NTNG1: variants seen among roughly 807,000 people sequenced by gnomAD.
The protein encoded by NTNG1 is netrin G1.
A neutral mutation model predicts 54.0 loss-of-function variants in NTNG1; 16 were observed. The observed-to-expected ratio is 0.30, with a 90% CI of 0.20 to 0.45. The LOEUF (loss-of-function observed/expected upper bound fraction) is 0.45. NTNG1 is among the 20% of genes least tolerant of loss of function. The pLI, the probability that NTNG1 is intolerant of heterozygous loss-of-function variation, is 1.00. For missense variants in NTNG1, 530 were observed against 678.7 expected (o/e 0.78, Z 2.43); for synonymous variants, 255 against 263.1 (o/e 0.97, Z 0.30).
At chr1:107,463,020 A>G (rs1677374462) in intron 7 of NTNG1, among the ~76,000 whole-genome samples, 1 of 152,132 alleles carries the variant, frequency 6.6e-6, no homozygotes, top group African/African-American at 2.4e-5. Flanking sequence ...ATACCAGCCT[A>G]CCTCCAATGG....
chr1:107,480,579 CACCCA>C, intron 7 of NTNG1, 27 bp from the exon 8 acceptor site: 4 of 615,706 alleles, frequency 6.5e-6, no homozygotes, highest in Non-Finnish European at 9.0e-6. Context: ...TCCCCGCGCC[CACCCA>C]CCCCTACCTT....
At chr1:107,367,375 G>A (rs993081786) in intron 3 of NTNG1, among the ~76,000 whole-genome samples, 1 of 152,138 alleles carries the variant, frequency 6.6e-6, no homozygotes, top group Admixed American at 6.5e-5. Context: ...CTGAATGTCT[G>A]ACACCAGCAT....
intron 2 of NTNG1, among the ~76,000 whole-genome samples, chr1:107,291,141 C>G (rs1665577799): frequency 6.6e-6 from 1 of 151,552 alleles, no homozygotes; most frequent in Non-Finnish European, 1.5e-5. Context: ...CTTTGCCTCC[C>G]CCTCCTCAGC....
intron 7 of NTNG1, among the ~76,000 whole-genome samples, chr1:107,466,704 C>T (rs2101566254): frequency 6.6e-6 from 1 of 152,210 alleles, no homozygotes; most frequent in African/African-American, 2.4e-5. Flanking sequence ...TTTTAAATAC[C>T]ATGCATAGCC....
At chr1:107,416,768 T>C (rs1319729186) in intron 5 of NTNG1, among the ~76,000 whole-genome samples, 1 of 152,094 alleles carries the variant, frequency 6.6e-6, no homozygotes, top group Non-Finnish European at 1.5e-5. Context: ...AGTACTTGCA[T>C]TTCATCAAGA....
At chr1:107,240,217 C>T (rs140385789) in intron 2 of NTNG1, among the ~76,000 whole-genome samples, 4 of 151,304 alleles carry the variant, frequency 2.6e-5, no homozygotes, top group Admixed American at 6.6e-5. Context: ...AGCATAATGC[C>T]GTACTTTGCC....
Position 107,221,699 on chromosome 1 carries a change from T to A in NTNG1, c.246+72860T>A, listed in dbSNP as rs765621500. Reference sequence around the variant, plus strand: ...AACACTCAGCACAGTACTTGGGCCGTGGCTGGCACCTGGTATGTGCTTGAA... The same window carrying A: ...AACACTCAGCACAGTACTTGGGCCGAGGCTGGCACCTGGTATGTGCTTGAA... On this transcript the variant is annotated intron_variant, in intron 2 of 7. Transcript: ENST00000370068. 6.6e-5 allele frequency among the ~76,000 whole-genome samples: 10 copies of A among 152,304 alleles called. No homozygotes were observed. The South Asian group carries it at 1.7e-3, about 25-fold the overall frequency.
chr1:107,279,858 A>G (rs921062497), intron 2 of NTNG1, among the ~76,000 whole-genome samples: 2 of 152,056 alleles, frequency 1.3e-5, no homozygotes, highest in African/African-American at 4.8e-5. Context: ...GGGTGTGAAC[A>G]TAACACATTG....
intron 2 of NTNG1, among the ~76,000 whole-genome samples, chr1:107,271,424 C>A (rs1039711123): frequency 6.6e-6 from 1 of 152,122 alleles, no homozygotes; most frequent in African/African-American, 2.4e-5. Flanking sequence ...CCATGTTTTC[C>A]TTTACCATTT....
chr1:107,290,963 T>TTATATA (rs71976757), intron 2 of NTNG1, among the ~76,000 whole-genome samples: 5,151 of 142,374 alleles, frequency 0.036, 182 homozygotes, highest in African/African-American at 0.085. Flanking sequence ...TATATATATA[T>TTATATA]TATATATATA....
chr1:107,225,041 A>C (rs1165810578), intron 2 of NTNG1, among the ~76,000 whole-genome samples: 3 of 152,310 alleles, frequency 2.0e-5, no homozygotes, highest in East Asian at 3.9e-4. Context: ...TGCTTACTAA[A>C]TATTAGTGGT....
chr1:107,276,652 C>A (rs984098051), intron 2 of NTNG1, among the ~76,000 whole-genome samples: 1 of 151,854 alleles, frequency 6.6e-6, no homozygotes, highest in African/African-American at 2.4e-5. Context: ...TTATAGGGGT[C>A]AAAGACGAGG....
chr1:107,168,286 C>T (rs549479832), intron 2 of NTNG1, among the ~76,000 whole-genome samples: 5 of 151,768 alleles, frequency 3.3e-5, no homozygotes, highest in Admixed American at 2.6e-4. Flanking sequence ...AAAAAATGAC[C>T]TTAGCAACTA....
At chr1:107,220,485 T>G (rs1660268203) in intron 2 of NTNG1, among the ~76,000 whole-genome samples, 1 of 152,162 alleles carries the variant, frequency 6.6e-6, no homozygotes, top group East Asian at 1.9e-4. Flanking sequence ...TTTCACCATT[T>G]TAAATATATC....
Position 107,480,607 on chromosome 1 carries a change from G to T in NTNG1, c.1391-4G>T. ...CCACCCCTACCTTCCCCCTCATTCT[G>T]CAGCGAATGTCTGCGACAACGAGCT... On this transcript the variant is annotated splice_region_variant and splice_polypyrimidine_tract_variant and intron_variant, in intron 7 of 7. Coordinates refer to ENST00000370068, the MANE Select transcript of NTNG1 (RefSeq NM_001113226.3). 35 of 756,446 alleles carry T rather than the reference G, an allele frequency of 4.6e-5. No homozygotes were observed. The highest frequency in any genetic ancestry group is 1.4e-4 in the East Asian group (2 of 14,298). The allele number at this position is 756,446 out of a possible 1,614,324, so 46.9% of individuals were successfully genotyped here.
intron 2 of NTNG1, among the ~76,000 whole-genome samples, chr1:107,308,309 A>G (rs1185305957): frequency 2.6e-5 from 4 of 152,128 alleles, no homozygotes; most frequent in African/African-American, 9.7e-5. Flanking sequence ...TCTTTAATCC[A>G]TCTTGAGTTG....
chr1:107,460,213 C>T (rs542561666), intron 7 of NTNG1, among the ~76,000 whole-genome samples: 3 of 152,170 alleles, frequency 2.0e-5, no homozygotes, highest in African/African-American at 7.2e-5. Flanking sequence ...AAACTCAGCT[C>T]ATGCCCCGGT....
At chr1:107,316,390 C>T (rs1362617382) in intron 2 of NTNG1, among the ~76,000 whole-genome samples, 8 of 152,092 alleles carry the variant, frequency 5.3e-5, no homozygotes, top group African/African-American at 1.7e-4. Context: ...TTTCTTCAGC[C>T]ACCCTGTGTT....
Position 107,246,113 on chromosome 1 carries a change from G to T in NTNG1, c.247-78169G>T, listed in dbSNP as rs929724033. On this transcript the variant is annotated intron_variant, in intron 2 of 7. Transcript: ENST00000370068. ...GTTGCCCAGGCTGGAGTACAGTGGTGTGATCTCCGCTCACTGCAAGCTCCG... is the reference window on the plus strand; with the variant it reads ...GTTGCCCAGGCTGGAGTACAGTGGTTTGATCTCCGCTCACTGCAAGCTCCG... Among the ~76,000 whole-genome samples, 4 of 152,234 alleles carry T rather than the reference G, an allele frequency of 2.6e-5. No individual in the cohort carries two copies. In the East Asian group the frequency reaches 7.7e-4, roughly 29 times the overall value.
Sources: allele counts gnomAD v4.1 joint callset (sites outside exome capture counted in the v4.1 genomes callset), GRCh38; gene constraint gnomAD v4.1.1; transcripts MANE v1.5; gene names NCBI Gene and HGNC (gene_info 2026-07-23, HGNC 2026-07-21).